C2CD2: variants seen among roughly 807,000 people sequenced by gnomAD.
C2CD2 encodes C2 calcium dependent domain containing 2, also known as C2 domain-containing protein 2.
A neutral mutation model predicts 74.3 loss-of-function variants in C2CD2; 43 were observed. The ratio of observed to expected loss-of-function variants is 0.58; its 90% CI spans 0.45 to 0.75. C2CD2 has a LOEUF of 0.75. Among genes scored for constraint, C2CD2 ranks in the 30% least tolerant of loss-of-function variants. The probability of loss-of-function intolerance (pLI) is 0.00; values close to 1 mark genes in which losing one functional copy is unlikely to be tolerated. For synonymous variants in C2CD2, 422 were observed against 390.7 expected (o/e 1.08, Z -0.94); for missense variants, 801 against 916.3 (o/e 0.87, Z 1.63).
In C2CD2 at chr21:41,948,749, G is replaced by A. The variant is rs2146236808; in HGVS notation, c.279+4621C>T. Among the ~76,000 whole-genome samples the A allele has an allele frequency of 3.9e-5, 6 of 152,102 alleles. No homozygotes were observed. The South Asian group carries it at 1.2e-3, about 32-fold the overall frequency. On this transcript the variant is annotated intron_variant, in intron 1 of 13. Coordinates refer to ENST00000380486, the MANE Select transcript of C2CD2 (RefSeq NM_015500.2). Reference sequence around the variant, plus strand: ...GAGTTTGGACTTCGTGAGCACAACTGGAAGGTCATTATATAATGCAAAGAC... The same window carrying A: ...GAGTTTGGACTTCGTGAGCACAACTAGAAGGTCATTATATAATGCAAAGAC...
chr21:41,889,550 C>T (rs925100409), intron 13 of C2CD2, among the ~76,000 whole-genome samples: 1 of 152,022 alleles, frequency 6.6e-6, no homozygotes, highest in Admixed American at 6.5e-5. Context: ...GAAAAGGAAA[C>T]GAGATTATAA....
At chr21:41,925,337 A>G (rs1034873903) in intron 2 of C2CD2, among the ~76,000 whole-genome samples, 1 of 148,060 alleles carries the variant, frequency 6.8e-6, no homozygotes, top group Non-Finnish European at 1.5e-5. Flanking sequence ...AAAAAAAATT[A>G]GCCAAGCATG....
At chr21:41,905,232 G>A (rs1038798668) in intron 11 of C2CD2, among the ~76,000 whole-genome samples, 14 of 151,722 alleles carry the variant, frequency 9.2e-5, no homozygotes, top group African/African-American at 3.4e-4. Flanking sequence ...GCCGCTCCTG[G>A]TCTCTGATCA....
chr21:41,891,662 G>A (rs2064755514), intron 13 of C2CD2, among the ~76,000 whole-genome samples: 1 of 152,176 alleles, frequency 6.6e-6, no homozygotes, highest in African/African-American at 2.4e-5. Context: ...TGATCTTGGA[G>A]GCCCTGAAGG....
intron 2 of C2CD2, among the ~76,000 whole-genome samples, chr21:41,936,984 A>T (rs1238789592): frequency 2.0e-5 from 3 of 151,120 alleles, no homozygotes; most frequent in Non-Finnish European, 2.9e-5. Context: ...ATGCCTGGCT[A>T]ATTTTTGTAC....
Position 41,912,522 on chromosome 21 carries a change from G to T in C2CD2, c.845-82C>A, listed in dbSNP as rs565033212. 1.2e-3 allele frequency: 698 copies of T among 567,066 alleles called. 1 individual carries two copies. Among genetic ancestry groups the T allele is most frequent in the Middle Eastern group, 2.1e-3 (4 of 1,910 alleles). The allele number at this position is 567,066 out of a possible 1,614,324, so 35.1% of individuals were successfully genotyped here. A position where few individuals can be genotyped will look rare whatever the true frequency, so the allele number is the denominator to read the frequency against. On this transcript the variant is annotated intron_variant, in intron 6 of 13. Transcript: ENST00000380486. ...TTTTTTTTTTTTGAGACAGAGTCTC[G>T]CTCTGTCGCCCAGGCTGGAGTGCAG...
rs2065176866 is a variant in C2CD2, at chr21:41,923,400, A to C, written c.379-1315T>G. Among the ~76,000 whole-genome samples, 1 of 152,218 alleles carries C rather than the reference A, an allele frequency of 6.6e-6. No homozygotes were observed. The highest frequency in any genetic ancestry group is 1.5e-5 in the Non-Finnish European group (1 of 68,034). On this transcript the variant is annotated intron_variant, in intron 2 of 13. Coordinates refer to ENST00000380486, the MANE Select transcript of C2CD2 (RefSeq NM_015500.2). The surrounding 1 kb of genome is among the most constrained non-coding windows in gnomAD (Gnocchi z 5.8). ...CATACACAGTCAAAGCCATTAGCCA[A>C]GTTCTTTTGCTAAAAATGAGTCTTA...
chr21:41,951,427 C>CA (rs2065449814), intron 1 of C2CD2, among the ~76,000 whole-genome samples: 1 of 145,594 alleles, frequency 6.9e-6, no homozygotes, highest in Non-Finnish European at 1.5e-5. Context: ...TATGTCCATG[C>CA]AAAAATGCCA....
rs551172923 is a variant in C2CD2, at chr21:41,948,269, G to C, written c.279+5101C>G. 1.6e-4 allele frequency among the ~76,000 whole-genome samples: 24 copies of C among 152,254 alleles called. No homozygotes were observed. In the South Asian group the frequency reaches 4.8e-3, roughly 30 times the overall value. ...CATGATTCACCCCACTGAGACCAGG[G>C]CCTGCCCCGAGCCGGCTTTGTGCTG... On this transcript the variant is annotated intron_variant, in intron 1 of 13. Coordinates refer to ENST00000380486, the MANE Select transcript of C2CD2 (RefSeq NM_015500.2).
rs1213677974 is a variant in C2CD2 at position 41,945,848 on chromosome 21, C to T, written c.280-3603G>A. ...GATTGTAAGTTTCCTGAGGCTTCCC[C>T]AGCCATGTGGAACTGTGAGTCATTA... On this transcript the variant is annotated intron_variant, in intron 1 of 13. Transcript: ENST00000380486. This position sits in a 1 kb window ranked among gnomAD's most constrained non-coding sequence, Gnocchi z 4.2. 2.0e-5 allele frequency among the ~76,000 whole-genome samples: 3 copies of T among 152,198 alleles called. No individual in the cohort carries two copies. The highest frequency in any genetic ancestry group is 4.4e-5 in the Non-Finnish European group (3 of 68,044).
chr21:41,901,533 T>A (rs553186450), intron 12 of C2CD2, 89 bp downstream of exon 12: 17 of 1,358,878 alleles, frequency 1.3e-5, no homozygotes, highest in Non-Finnish European at 6.3e-6. Flanking sequence ...GTTAACCAAG[T>A]GCTTGGGCTA....
chr21:41,942,090 C>G (rs1302960283), intron 2 of C2CD2, 57 bp downstream of exon 2: 1 of 1,541,434 alleles, frequency 6.5e-7, no homozygotes, highest in Non-Finnish European at 8.8e-7. Flanking sequence ...AAAGCAAACT[C>G]CCCGTCCCCG....
intron 13 of C2CD2, among the ~76,000 whole-genome samples, chr21:41,898,602 G>A (rs2146143273): frequency 6.6e-6 from 1 of 152,300 alleles, no homozygotes; most frequent in East Asian, 1.9e-4. Flanking sequence ...GCCTCCTAGG[G>A]TCAGGTGGTG....
At chr21:41,948,062 T>C (rs1344604816) in intron 1 of C2CD2, among the ~76,000 whole-genome samples, 1 of 152,260 alleles carries the variant, frequency 6.6e-6, no homozygotes, top group Non-Finnish European at 1.5e-5. Context: ...CGCCTATTCC[T>C]GGGTTTGGCA....
At chr21:41,938,226 A>T (rs2065324941) in intron 2 of C2CD2, among the ~76,000 whole-genome samples, 1 of 152,060 alleles carries the variant, frequency 6.6e-6, no homozygotes, top group Non-Finnish European at 1.5e-5. Context: ...AATTTTCATC[A>T]ATTAAAAAAA....
At chr21:41,919,600 C>T (rs764584965) in intron 3 of C2CD2, among the ~76,000 whole-genome samples, 6 of 152,182 alleles carry the variant, frequency 3.9e-5, no homozygotes, top group African/African-American at 7.2e-5. Context: ...GGGCCCAGGG[C>T]GCCTCATTCT....
chr21:41,890,598 G>C (rs1180225560), intron 13 of C2CD2, among the ~76,000 whole-genome samples: 1 of 152,218 alleles, frequency 6.6e-6, no homozygotes, highest in Non-Finnish European at 1.5e-5. Flanking sequence ...AAAGAAGACA[G>C]GTCTGATCAT....
chr21:41,896,130 G>A (rs1229579096), intron 13 of C2CD2, among the ~76,000 whole-genome samples: 3 of 152,198 alleles, frequency 2.0e-5, no homozygotes, highest in East Asian at 1.9e-4. Context: ...CAGGCAGGTC[G>A]GCTGGCTGCT....
chr21:41,901,288 G>T, intron 12 of C2CD2: 1 of 363,120 alleles, frequency 2.8e-6, no homozygotes, highest in Non-Finnish European at 5.2e-6. Flanking sequence ...CCCCGTGACT[G>T]GGTGGTGACG....
Sources: allele counts gnomAD v4.1 joint callset (sites outside exome capture counted in the v4.1 genomes callset), GRCh38; gene constraint gnomAD v4.1.1; non-coding constraint Gnocchi (gnomAD v3.1); transcripts MANE v1.5; gene names NCBI Gene and HGNC (gene_info 2026-07-23, HGNC 2026-07-21).